MBOAT1: variants seen among roughly 807,000 people sequenced by gnomAD.
MBOAT1 encodes membrane bound glycerophospholipid O-acyltransferase 1, also known as membrane-bound glycerophospholipid O-acyltransferase 1.
Under a neutral mutation model 64.4 loss-of-function variants are expected in MBOAT1, and 67 were observed. The ratio of observed to expected loss-of-function variants is 1.04; its 90% CI spans 0.85 to 1.27. The LOEUF is 1.27. Among genes scored for constraint, MBOAT1 ranks in the 50% most tolerant of loss-of-function variants. The pLI is 0.00. For missense variants in MBOAT1, 563 were observed against 604.6 expected, an observed-to-expected ratio of 0.93 and a Z score of 0.72; for synonymous variants, 229 against 218.9, an observed-to-expected ratio of 1.05 and a Z score of -0.41.
chr6:20,176,829 G>A (rs1044108554), intron 1 of MBOAT1, among the ~76,000 whole-genome samples: 2 of 152,038 alleles, frequency 1.3e-5, no homozygotes, highest in African/African-American at 4.8e-5. Context: ...TCATCATGTT[G>A]GCCAGGCTGG....
intron 1 of MBOAT1, among the ~76,000 whole-genome samples, chr6:20,178,932 GTT>G (rs74601724): frequency 0.075 from 11,171 of 147,982 alleles, 493 homozygotes; most frequent in South Asian, 0.16. Context: ...TTTTTAATGG[GTT>G]TTTTTTTTTC....
chr6:20,122,526 TC>T (rs1469173664), intron 8 of MBOAT1, among the ~76,000 whole-genome samples: 2 of 152,178 alleles, frequency 1.3e-5, no homozygotes, highest in Non-Finnish European at 2.9e-5. Context: ...AAACAAAATT[TC>T]CCTCATTGTA....
intron 5 of MBOAT1, among the ~76,000 whole-genome samples, chr6:20,130,427 C>T (rs970026141): frequency 2.0e-5 from 3 of 152,134 alleles, no homozygotes; most frequent in Admixed American, 2.0e-4. Flanking sequence ...GATCTCGGCT[C>T]ACTGCAACCT....
chr6:20,130,414 C>T (rs1322009155), intron 5 of MBOAT1, among the ~76,000 whole-genome samples: 2 of 152,058 alleles, frequency 1.3e-5, no homozygotes, highest in African/African-American at 4.8e-5. Flanking sequence ...AGTGCAGTGG[C>T]GCGATCTCGG....
intron 12 of MBOAT1, among the ~76,000 whole-genome samples, chr6:20,109,190 C>G (rs931455243): frequency 3.3e-5 from 5 of 152,176 alleles, no homozygotes; most frequent in Admixed American, 1.3e-4. Flanking sequence ...CAATGACAGC[C>G]TCAGCCGCAT....
chr6:20,212,005 A>ACACACACACAC (rs1278813049), intron 1 of MBOAT1, 131 bp downstream of exon 1: 6 of 530,060 alleles, frequency 1.1e-5, no homozygotes, highest in African/African-American at 9.5e-5. Context: ...CACACACACA[A>ACACACACACAC]AAACCAACTG....
intron 1 of MBOAT1, among the ~76,000 whole-genome samples, chr6:20,188,198 A>G (rs981005248): frequency 2.6e-5 from 4 of 152,220 alleles, no homozygotes; most frequent in African/African-American, 9.6e-5. Context: ...CAATGCATAC[A>G]CACACATAAA....
chr6:20,131,313 G>A (rs746665018), intron 4 of MBOAT1, 114 bp from the exon 5 acceptor site: 4 of 925,488 alleles, frequency 4.3e-6, no homozygotes, highest in African/African-American at 1.6e-5. Flanking sequence ...CCCACATGTC[G>A]TGGGAGGGAC....
intron 1 of MBOAT1, among the ~76,000 whole-genome samples, chr6:20,184,756 T>C (rs901333487): frequency 9.2e-5 from 14 of 152,070 alleles, no homozygotes; most frequent in Non-Finnish European, 1.8e-4. Flanking sequence ...TTAGGAAAGC[T>C]TCCCTCATCC....
At chr6:20,171,161 G>T (rs1178078545) in intron 1 of MBOAT1, among the ~76,000 whole-genome samples, 1 of 152,146 alleles carries the variant, frequency 6.6e-6, no homozygotes, top group African/African-American at 2.4e-5. Context: ...AAAGGCTGAT[G>T]TGTAAGAATG....
intron 7 of MBOAT1, chr6:20,125,838 A>C (rs1760633397): frequency 2.4e-6 from 1 of 420,092 alleles, no homozygotes; most frequent in Non-Finnish European, 4.6e-6. Context: ...CAAAATGTTT[A>C]ACTTGAATTA....
intron 9 of MBOAT1, among the ~76,000 whole-genome samples, chr6:20,115,684 A>C (rs1251437657): frequency 6.6e-6 from 1 of 152,216 alleles, no homozygotes; most frequent in Admixed American, 6.5e-5. Context: ...AAATATTCTA[A>C]AAAGGGATTT....
At chr6:20,155,058 A>G (rs879296614) in intron 1 of MBOAT1, among the ~76,000 whole-genome samples, 1 of 152,240 alleles carries the variant, frequency 6.6e-6, no homozygotes, top group Non-Finnish European at 1.5e-5. Flanking sequence ...GAAAGTGGCT[A>G]CAGGGAAATT....
chr6:20,195,658 T>C (rs1019988726), intron 1 of MBOAT1, among the ~76,000 whole-genome samples: 2 of 152,022 alleles, frequency 1.3e-5, no homozygotes, highest in African/African-American at 4.8e-5. Context: ...TCCTTGAATA[T>C]ACACAGATCT....
At chr6:20,108,904 C>A (rs1479521482) in intron 12 of MBOAT1, among the ~76,000 whole-genome samples, 1 of 152,220 alleles carries the variant, frequency 6.6e-6, no homozygotes, top group African/African-American at 2.4e-5. Flanking sequence ...TGTCAAAGAT[C>A]ACACACAATC....
intron 1 of MBOAT1, among the ~76,000 whole-genome samples, chr6:20,187,644 C>A (rs1581455608): frequency 1.3e-5 from 2 of 152,018 alleles, no homozygotes; most frequent in African/African-American, 4.8e-5. Flanking sequence ...AGTGGTAGAC[C>A]CTGGATTCAT....
At position 20,212,304 on chromosome 6, in the gene MBOAT1, G is replaced by A. The variant is rs1763463468; in HGVS notation, c.-70C>T. On this transcript the variant is annotated 5_prime_UTR_variant, in exon 1 of 13. Transcript: ENST00000324607. ...CCCCCTGCTCGGCGTCCTCCCGCCC[G>A]GGTGCTCTTGGGTGGTTGCCCCGAG... 1 of 1,419,884 alleles carries A rather than the reference G, an allele frequency of 7.0e-7. No individual in the cohort carries two copies. Among genetic ancestry groups the A allele is most frequent in the Non-Finnish European group, 9.7e-7 (1 of 1,035,102 alleles). 88.0% of individuals were successfully genotyped at this position (1,419,884 alleles called of 1,614,324 possible). A position where few individuals can be genotyped will look rare whatever the true frequency, so the allele number is the denominator to read the frequency against.
intron 4 of MBOAT1, among the ~76,000 whole-genome samples, chr6:20,140,123 A>G (rs1390078655): frequency 6.6e-6 from 1 of 152,164 alleles, no homozygotes; most frequent in Non-Finnish European, 1.5e-5. Flanking sequence ...AAAGAAAGTA[A>G]AGATGCTTGC....
chr6:20,184,372 G>T (rs1762590429), intron 1 of MBOAT1, among the ~76,000 whole-genome samples: 1 of 152,070 alleles, frequency 6.6e-6, no homozygotes, highest in East Asian at 1.9e-4. Flanking sequence ...GGGACACTAA[G>T]GTAATGTCAT....
Sources: allele counts gnomAD v4.1 joint callset (sites outside exome capture counted in the v4.1 genomes callset), GRCh38; gene constraint gnomAD v4.1.1; transcripts MANE v1.5; gene names NCBI Gene and HGNC (gene_info 2026-07-23, HGNC 2026-07-21).